CNIH4: variants seen among roughly 807,000 people sequenced by gnomAD.
The protein encoded by CNIH4 is protein cornichon homolog 4.
Under a neutral mutation model 21.5 loss-of-function variants are expected in CNIH4, and 9 were observed. The observed-to-expected ratio is 0.42, with a 90% CI of 0.25 to 0.73. The LOEUF (loss-of-function observed/expected upper bound fraction) is 0.73. CNIH4 is among the 30% of genes least tolerant of loss of function. The probability of loss-of-function intolerance (pLI) is 0.27; values close to 1 mark genes in which losing one functional copy is unlikely to be tolerated. For synonymous variants in CNIH4, 67 were observed against 59.1 expected, an observed-to-expected ratio of 1.13 and a Z score of -0.61; for missense variants, 159 against 170.0, an observed-to-expected ratio of 0.94 and a Z score of 0.36.
intron 4 of CNIH4, among the ~76,000 whole-genome samples, chr1:224,371,896 C>G (rs777008050): frequency 3.9e-5 from 6 of 152,170 alleles, no homozygotes; most frequent in Non-Finnish European, 7.4e-5. Context: ...GAGCCAGGAT[C>G]GCGCCATTGC....
chr1:224,365,614 A>G (rs559568070), intron 2 of CNIH4, among the ~76,000 whole-genome samples: 36 of 152,348 alleles, frequency 2.4e-4, no homozygotes, highest in African/African-American at 6.7e-4. Context: ...TTCTCATTCA[A>G]ATCTGCTTAA....
chr1:224,369,442 G>T (rs567405453), intron 3 of CNIH4, among the ~76,000 whole-genome samples: 113 of 152,134 alleles, frequency 7.4e-4, no homozygotes, highest in African/African-American at 2.6e-3. Flanking sequence ...GCATGGTGGT[G>T]TTGGGCACCT....
intron 1 of CNIH4, 109 bp downstream of exon 1, chr1:224,357,102 C>A: frequency 7.8e-7 from 1 of 1,281,876 alleles, no homozygotes; most frequent in Non-Finnish European, 1.1e-6. Context: ...CGGCGGCGGG[C>A]GTGGGCTCCC....
chr1:224,365,365 C>A (rs1672421184), intron 2 of CNIH4, among the ~76,000 whole-genome samples: 1 of 152,216 alleles, frequency 6.6e-6, no homozygotes, highest in Non-Finnish European at 1.5e-5. Flanking sequence ...CATTCTGCTT[C>A]ATTATCATAT....
intron 1 of CNIH4, among the ~76,000 whole-genome samples, chr1:224,359,641 G>A (rs1672217037): frequency 6.6e-6 from 1 of 152,110 alleles, no homozygotes; most frequent in African/African-American, 2.4e-5. Flanking sequence ...CGCAATCTTG[G>A]CTTACTGCTG....
At chr1:224,364,863 G>A (rs1672404582) in intron 2 of CNIH4, among the ~76,000 whole-genome samples, 1 of 151,928 alleles carries the variant, frequency 6.6e-6, no homozygotes, top group South Asian at 2.1e-4. Context: ...AACCCGGGAG[G>A]CGGAGGTTTC....
intron 2 of CNIH4, 21 bp from the exon 3 acceptor site, chr1:224,365,858 T>TA: frequency 7.5e-7 from 1 of 1,333,242 alleles, no homozygotes; most frequent in Non-Finnish European, 1.1e-6. Flanking sequence ...TGAGATGTAA[T>TA]ACTGTGTTCT....
At position 224,376,110 on chromosome 1, in the gene CNIH4, C is replaced by T; in HGVS notation, c.*288C>T. 3 of 1,127,414 alleles carry T rather than the reference C, an allele frequency of 2.7e-6. No individual in the cohort carries two copies. Among genetic ancestry groups the T allele is most frequent in the Non-Finnish European group, 3.3e-6 (3 of 920,942 alleles). 69.8% of individuals were successfully genotyped at this position (1,127,414 alleles called of 1,614,324 possible). On this transcript the variant is annotated 3_prime_UTR_variant, in exon 5 of 5. Coordinates refer to ENST00000465271, the MANE Select transcript of CNIH4 (RefSeq NM_014184.4). ...TTGTATGTAGGAACAGGACTGCCATCCCAGCTTTGCATGCCAAAGAAATAA... is the reference window on the plus strand; with the variant it reads ...TTGTATGTAGGAACAGGACTGCCATTCCAGCTTTGCATGCCAAAGAAATAA...
rs577525078 is a variant in CNIH4, at chr1:224,376,695, A to G, written c.*873A>G. 228 of 985,422 alleles carry G rather than the reference A, an allele frequency of 2.3e-4. 1 individual carries two copies. The South Asian group carries it at 7.5e-3, about 32-fold the overall frequency. 61.0% of individuals were successfully genotyped at this position (985,422 alleles called of 1,614,324 possible). A position where few individuals can be genotyped will look rare whatever the true frequency, so the allele number is the denominator to read the frequency against. On this transcript the variant is annotated 3_prime_UTR_variant, in exon 5 of 5. Coordinates refer to ENST00000465271, the MANE Select transcript of CNIH4 (RefSeq NM_014184.4). ...CACGTGGTGCCAGATCAACACTTCT[A>G]TCCCTCTGCACTGACCACGTTGTGA...
chr1:224,372,962 G>A (rs996087591), intron 4 of CNIH4, among the ~76,000 whole-genome samples: 4 of 151,992 alleles, frequency 2.6e-5, no homozygotes, highest in East Asian at 1.9e-4. Flanking sequence ...GACAAAGCAG[G>A]CTTCCTAAAA....
At chr1:224,357,915 G>C (rs1672165196) in intron 1 of CNIH4, among the ~76,000 whole-genome samples, 1 of 152,130 alleles carries the variant, frequency 6.6e-6, no homozygotes. Flanking sequence ...GCACCATCCA[G>C]GTTTAAGTAA....
Position 224,359,282 on chromosome 1 carries a change from C to T in CNIH4, c.70-1213C>T, listed in dbSNP as rs948941273. Among the ~76,000 whole-genome samples, 5 of 152,114 alleles carry T rather than the reference C, an allele frequency of 3.3e-5. No homozygotes were observed. The South Asian group carries it at 1.0e-3, about 32-fold the overall frequency. The stretch of plus-strand genomic sequence containing the variant: ...TAGTTTATTAGGAAGATGAATCTGC[C>T]GAGTGGGTTGGAAACAAGAAAGATT... On this transcript the variant is annotated intron_variant, in intron 1 of 4. Coordinates refer to ENST00000465271, the MANE Select transcript of CNIH4 (RefSeq NM_014184.4).
Position 224,379,096 on chromosome 1 carries a change from G to A in CNIH4, c.*3274G>A, listed in dbSNP as rs926541157. ...GTAGCAACTGCCCTTGCTAATCACCGTAACCTCGGCTGAGAAAGAAGAGGA... is the reference window on the plus strand; with the variant it reads ...GTAGCAACTGCCCTTGCTAATCACCATAACCTCGGCTGAGAAAGAAGAGGA... On this transcript the variant is annotated 3_prime_UTR_variant, in exon 5 of 5. Coordinates refer to ENST00000465271, the MANE Select transcript of CNIH4 (RefSeq NM_014184.4). 4.5e-6 allele frequency: 7 copies of A among 1,550,238 alleles called. No individual in the cohort carries two copies. Among genetic ancestry groups the A allele is most frequent in the South Asian group, 2.4e-5 (2 of 84,066 alleles).
Position 224,360,539 on chromosome 1 carries a change from A to G in CNIH4, c.114A>G (p.Arg38=). The change falls in exon 2 of 5, where the codon AGA becomes AGG. Residue 38 remains arginine, a synonymous_variant. Coordinates refer to ENST00000465271, the MANE Select transcript of CNIH4 (RefSeq NM_014184.4). ...SDLECDYINA[R]SCCSKLNKWV... The stretch of plus-strand genomic sequence containing the variant: ...TAGAATGTGATTACATTAATGCTAG[A>G]TCATGTTGCTCAAAATTAAACAAGG... 6.7e-7 allele frequency: 1 copy of G among 1,488,138 alleles called. No individual in the cohort carries two copies. Among genetic ancestry groups the G allele is most frequent in the South Asian group, 1.4e-5 (1 of 73,840 alleles). 92.2% of individuals were successfully genotyped at this position (1,488,138 alleles called of 1,614,324 possible). A position where few individuals can be genotyped will look rare whatever the true frequency, so the allele number is the denominator to read the frequency against.
At chr1:224,359,749 C>G (rs1441757737) in intron 1 of CNIH4, among the ~76,000 whole-genome samples, 5 of 152,002 alleles carry the variant, frequency 3.3e-5, no homozygotes, top group African/African-American at 1.2e-4. Context: ...CTGGAGCGCA[C>G]TGGTGTGATT....
Position 224,379,199 on chromosome 1 carries a change from TA to T in CNIH4, c.*3378del. Reference sequence around the variant, plus strand: ...CTGCCTTTTCATGCCTGCCACAGACTACAGTAGGACAAAACCTGACCTGGTC... The same window carrying T: ...CTGCCTTTTCATGCCTGCCACAGACTCAGTAGGACAAAACCTGACCTGGTC... On this transcript the variant is annotated 3_prime_UTR_variant, in exon 5 of 5. Coordinates refer to ENST00000465271, the MANE Select transcript of CNIH4 (RefSeq NM_014184.4). The T allele has an allele frequency of 8.7e-7, 1 of 1,154,088 alleles. No individual in the cohort carries two copies. 71.5% of individuals were successfully genotyped at this position (1,154,088 alleles called of 1,614,324 possible).
chr1:224,362,407 C>G (rs1422923296), intron 2 of CNIH4, among the ~76,000 whole-genome samples: 3 of 150,276 alleles, frequency 2.0e-5, no homozygotes, highest in Non-Finnish European at 4.4e-5. Context: ...CTCTTTCTCT[C>G]TTTTCCTGTC....
Position 224,375,806 on chromosome 1 carries a change from C to CT in CNIH4, c.407dup (p.Leu136PhefsTer4). 1 of 1,614,040 alleles carries CT rather than the reference C, an allele frequency of 6.2e-7. No individual in the cohort carries two copies. The highest frequency in any genetic ancestry group is 8.5e-7 in the Non-Finnish European group (1 of 1,179,972). The stretch of plus-strand genomic sequence containing the variant: ...TCTTCTTTCCACAGTATGATCTTAG[C>CT]TTTGATAAATGACTGAAGCTGGAGA... On this transcript the variant is annotated frameshift_variant, in exon 5 of 5. Transcript: ENST00000465271. LOFTEE classifies it high-confidence loss of function.
rs368823249 is a variant in CNIH4 at position 224,371,077 on chromosome 1, A to G, written c.252-206A>G. 1.1e-3 allele frequency among the ~76,000 whole-genome samples: 160 copies of G among 152,176 alleles called. 2 individuals carry two copies. The Middle Eastern group carries it at 0.02, about 19-fold the overall frequency. On this transcript the variant is annotated intron_variant, in intron 3 of 4. Transcript: ENST00000465271. ...TTTTTAGTAGAGACAGGGTTTCACC[A>G]TGTTGGTCAAGCTGGTCTTGAACTC...
Sources: gnomAD v4.1 joint callset for allele counts (sites outside exome capture counted in the v4.1 genomes callset) on GRCh38, gnomAD v4.1.1 for gene constraint, MANE v1.5 for transcripts, NCBI Gene and HGNC (gene_info 2026-07-23, HGNC 2026-07-21) for gene names.